B3GALT1: variants seen among roughly 807,000 people sequenced by gnomAD.
B3GALT1 encodes the protein UDP-Gal:betaGlcNAc beta 1,3-galactosyltransferase, polypeptide 1.
B3GALT1 carries 10 observed loss-of-function variants against 23.2 expected under a neutral mutation model. That is an observed-to-expected ratio of 0.43 (90% confidence interval 0.27 to 0.73). The LOEUF is 0.73. Among genes scored for constraint, B3GALT1 ranks in the 30% least tolerant of loss-of-function variants. B3GALT1 has a pLI of 0.21. For synonymous variants in B3GALT1, 156 were observed against 141.5 expected, an observed-to-expected ratio of 1.10 and a Z score of -0.73; for missense variants, 299 against 405.4, an observed-to-expected ratio of 0.74 and a Z score of 2.25.
intron 4 of B3GALT1, among the ~76,000 whole-genome samples, chr2:167,836,856 G>T (rs930417143): frequency 3.3e-5 from 5 of 152,344 alleles, no homozygotes; most frequent in African/African-American, 9.6e-5. Context: ...AGCCAGAAGA[G>T]AGTGGGGGCC....
intron 3 of B3GALT1, among the ~76,000 whole-genome samples, chr2:167,814,134 T>C (rs1574277119): frequency 6.6e-6 from 1 of 152,230 alleles, no homozygotes; most frequent in South Asian, 2.1e-4. Flanking sequence ...TCATTTCAGC[T>C]GGGTTTCTTT....
chr2:167,507,671 A>G (rs1574108818), intron 2 of B3GALT1, among the ~76,000 whole-genome samples: 2 of 152,134 alleles, frequency 1.3e-5, no homozygotes, highest in Admixed American at 6.6e-5. Flanking sequence ...ACACCAAGAG[A>G]CAGATACGTA....
At chr2:167,309,412 T>C (rs186127671) in intron 1 of B3GALT1, among the ~76,000 whole-genome samples, 149 of 152,216 alleles carry the variant, frequency 9.8e-4, no homozygotes, top group African/African-American at 3.3e-3. Flanking sequence ...TTAGAGTTTA[T>C]GGACCTTAAA....
At chr2:167,783,710 C>A (rs1477390048) in intron 3 of B3GALT1, among the ~76,000 whole-genome samples, 1 of 152,100 alleles carries the variant, frequency 6.6e-6, no homozygotes, top group Non-Finnish European at 1.5e-5. Context: ...CGGCAGGGGG[C>A]AGGGGGAAAT....
chr2:167,720,224 ATGG>A (rs1687210701), intron 3 of B3GALT1, among the ~76,000 whole-genome samples: 1 of 152,184 alleles, frequency 6.6e-6, no homozygotes, highest in African/African-American at 2.4e-5. Flanking sequence ...TGGCTTTTAT[ATGG>A]TGAAATTGAT....
chr2:167,335,314 TAGGTTACAGTTCATCCACA>T (rs1697041592), intron 1 of B3GALT1, among the ~76,000 whole-genome samples: 1 of 152,208 alleles, frequency 6.6e-6, no homozygotes, highest in South Asian at 2.1e-4. Context: ...ACTATGAAGC[TAGGTTACAGTTCATCCACA>T]AGGACTCAAA....
chr2:167,543,052 G>T (rs560941600), intron 2 of B3GALT1, among the ~76,000 whole-genome samples: 1 of 151,896 alleles, frequency 6.6e-6, no homozygotes, highest in Non-Finnish European at 1.5e-5. Context: ...TGATTTATAG[G>T]TTTTTGTTTA....
At chr2:167,648,103 A>G (rs1054462906) in intron 3 of B3GALT1, among the ~76,000 whole-genome samples, 7 of 152,098 alleles carry the variant, frequency 4.6e-5, no homozygotes, top group African/African-American at 1.7e-4. Context: ...TCTCAGTGTA[A>G]TCATCCTAGC....
intron 1 of B3GALT1, among the ~76,000 whole-genome samples, chr2:167,394,138 A>T (rs1698059253): frequency 6.6e-6 from 1 of 152,202 alleles, no homozygotes; most frequent in Non-Finnish European, 1.5e-5. Context: ...ATACCTTTTA[A>T]CAATGAAATG....
At chr2:167,427,084 A>G (rs1282774025) in intron 1 of B3GALT1, among the ~76,000 whole-genome samples, 1 of 152,238 alleles carries the variant, frequency 6.6e-6, no homozygotes, top group Non-Finnish European at 1.5e-5. Context: ...GCAAAACTGA[A>G]AAGTACAAAG....
chr2:167,806,658 G>A (rs1688762345), intron 3 of B3GALT1, among the ~76,000 whole-genome samples: 1 of 152,194 alleles, frequency 6.6e-6, no homozygotes, highest in East Asian at 1.9e-4. Context: ...GCATCCCAGG[G>A]ATGAAACCCA....
chr2:167,728,208 C>T (rs554639724), intron 3 of B3GALT1, among the ~76,000 whole-genome samples: 22 of 152,094 alleles, frequency 1.4e-4, no homozygotes, highest in East Asian at 5.8e-4. Context: ...GCCAACATGG[C>T]GAAACCCAGC....
chr2:167,459,991 G>C (rs764541400), intron 1 of B3GALT1, among the ~76,000 whole-genome samples: 1 of 149,292 alleles, frequency 6.7e-6, no homozygotes, highest in Non-Finnish European at 1.5e-5. Context: ...ATCTCATTGA[G>C]AATCCCTGTA....
At chr2:167,694,222 G>A in intron 3 of B3GALT1, among the ~76,000 whole-genome samples, 1 of 152,102 alleles carries the variant, frequency 6.6e-6, no homozygotes, top group Non-Finnish European at 1.5e-5. Flanking sequence ...TTGGTTTATT[G>A]CAGGCATAAT....
intron 2 of B3GALT1, among the ~76,000 whole-genome samples, chr2:167,642,713 A>G (rs767709918): frequency 2.0e-5 from 3 of 152,132 alleles, no homozygotes; most frequent in Non-Finnish European, 4.4e-5. Context: ...TTTTCTTCTC[A>G]TATATTATAT....
intron 1 of B3GALT1, among the ~76,000 whole-genome samples, chr2:167,423,168 G>A (rs1047063320): frequency 7.2e-5 from 11 of 152,092 alleles, no homozygotes; most frequent in African/African-American, 2.7e-4. Context: ...CTCTAACCTG[G>A]AGGATCAAGA....
Position 167,871,733 on chromosome 2 carries a change from T to C in B3GALT1, c.*1713T>C, listed in dbSNP as rs146301351. 2 of 152,212 alleles carry C rather than the reference T, an allele frequency of 1.3e-5. No individual in the cohort carries two copies. The highest frequency in any genetic ancestry group is 1.9e-4 in the East Asian group (1 of 5,178). The allele number at this position is 152,212 out of a possible 1,614,324, so 9.4% of individuals were successfully genotyped here. ...TGAATCTGAATTCTCTCTAAGAAAT[T>C]TGAGCGCAGGTAAAGCTAGTTCACC... is the stretch of plus-strand genomic sequence containing the variant. On this transcript the variant is annotated 3_prime_UTR_variant, in exon 5 of 5. Transcript: ENST00000392690.
intron 4 of B3GALT1, among the ~76,000 whole-genome samples, chr2:167,837,491 T>A (rs1297798338): frequency 6.6e-6 from 1 of 151,504 alleles, no homozygotes; most frequent in Non-Finnish European, 1.5e-5. Context: ...CCTAAATATA[T>A]ATGCACCCAA....
chr2:167,419,308 ATTAGAGT>A (rs1244655429), intron 1 of B3GALT1, among the ~76,000 whole-genome samples: 2 of 152,230 alleles, frequency 1.3e-5, no homozygotes, highest in Admixed American at 6.5e-5. Flanking sequence ...TAAATGAGGT[ATTAGAGT>A]TTAATCACTG....
Sources: allele counts gnomAD v4.1 joint callset (sites outside exome capture counted in the v4.1 genomes callset), GRCh38; gene constraint gnomAD v4.1.1; transcripts MANE v1.5; gene names NCBI Gene and HGNC (gene_info 2026-07-23, HGNC 2026-07-21).